TTC6: variants seen among roughly 807,000 people sequenced by gnomAD.
TTC6 encodes the protein tetratricopeptide repeat domain 6.
A neutral mutation model predicts 210.4 loss-of-function variants in TTC6; 172 were observed. That is an observed-to-expected ratio of 0.82 (90% CI 0.72 to 0.93). The LOEUF is 0.93. Among genes scored for constraint, TTC6 ranks in the 40% least tolerant of loss-of-function variants. The pLI is 0.00. For missense variants in TTC6, 2,414 were observed against 2,318.1 expected (o/e 1.04, Z -0.85); for synonymous variants, 804 against 819.6 (o/e 0.98, Z 0.32).
intron 24 of TTC6, among the ~76,000 whole-genome samples, chr14:37,810,036 A>G (rs1379261797): frequency 6.6e-6 from 1 of 152,224 alleles, no homozygotes; most frequent in Non-Finnish European, 1.5e-5. Context: ...TGTTTAAAAC[A>G]TTTAGTAATT....
intron 14 of TTC6, among the ~76,000 whole-genome samples, chr14:37,771,105 TTTC>T (rs1258655898): frequency 6.6e-6 from 1 of 151,330 alleles, no homozygotes; most frequent in Non-Finnish European, 1.5e-5. Context: ...TGAAAATTCT[TTTC>T]TTTAAGAATG....
At chr14:37,638,631 CG>C (rs1264498740) in intron 1 of TTC6, among the ~76,000 whole-genome samples, 8 of 22,326 alleles carry the variant, frequency 3.6e-4, no homozygotes, top group East Asian at 1.8e-3. Flanking sequence ...AGGGTGGGGG[CG>C]GGGGGGCTGG....
chr14:37,791,497 T>C (rs1203645814), intron 16 of TTC6, among the ~76,000 whole-genome samples: 1 of 152,124 alleles, frequency 6.6e-6, no homozygotes, highest in Non-Finnish European at 1.5e-5. Context: ...CAGCAGACTG[T>C]TTACTTAATC....
intron 7 of TTC6, among the ~76,000 whole-genome samples, chr14:37,726,100 CT>C (rs2138844165): frequency 6.7e-6 from 1 of 148,168 alleles, no homozygotes; most frequent in South Asian, 2.1e-4. Flanking sequence ...CTTTTTTTTT[CT>C]TGGTTACAAT....
intron 1 of TTC6, among the ~76,000 whole-genome samples, chr14:37,600,204 C>T (rs575588498): frequency 2.2e-4 from 33 of 152,308 alleles, no homozygotes; most frequent in African/African-American, 7.7e-4. Context: ...GTGCCACAGA[C>T]TTGGCAGGGT....
chr14:37,654,127 CA>C (rs1238316459), intron 1 of TTC6, among the ~76,000 whole-genome samples: 1 of 152,102 alleles, frequency 6.6e-6, no homozygotes, highest in Non-Finnish European at 1.5e-5. Context: ...ATGTAATCCC[CA>C]ATACTGAAGG....
intron 2 of TTC6, among the ~76,000 whole-genome samples, chr14:37,613,408 A>AT: frequency 6.6e-6 from 1 of 152,180 alleles, no homozygotes; most frequent in African/African-American, 2.4e-5. Flanking sequence ...TTTGTTAATG[A>AT]TTTTTGCATG....
chr14:37,721,474 A>G (rs1381990056), intron 6 of TTC6, among the ~76,000 whole-genome samples: 1 of 152,126 alleles, frequency 6.6e-6, no homozygotes, highest in Non-Finnish European at 1.5e-5. Flanking sequence ...TTTTTGTTCA[A>G]AAGCTCAGTT....
intron 14 of TTC6, among the ~76,000 whole-genome samples, chr14:37,786,981 A>G (rs1209218315): frequency 6.6e-6 from 1 of 152,158 alleles, no homozygotes; most frequent in Non-Finnish European, 1.5e-5. Context: ...AACTAATGCA[A>G]TAGCTTTCAT....
chr14:37,830,744 A>G (rs1852478111), intron 29 of TTC6, among the ~76,000 whole-genome samples: 1 of 65,848 alleles, frequency 1.5e-5, no homozygotes, highest in Non-Finnish European at 5.6e-5. Context: ...TTTTTTTCTA[A>G]AATAGATTTT....
At chr14:37,827,618 G>T (rs189975698) in intron 29 of TTC6, among the ~76,000 whole-genome samples, 3 of 151,448 alleles carry the variant, frequency 2.0e-5, no homozygotes, top group African/African-American at 2.4e-5. Flanking sequence ...TAAATGTCTT[G>T]CTAGAATCTT....
intron 10 of TTC6, among the ~76,000 whole-genome samples, chr14:37,747,451 G>A (rs2095939474): frequency 4.6e-5 from 7 of 152,184 alleles, no homozygotes. Context: ...CTACTCCTAA[G>A]TTTGAGAGAA....
chr14:37,779,522 A>G (rs1489980595), intron 14 of TTC6, among the ~76,000 whole-genome samples: 2 of 152,194 alleles, frequency 1.3e-5, no homozygotes, highest in Non-Finnish European at 2.9e-5. Context: ...TGACTACTAT[A>G]TTTCAGCATT....
At chr14:37,795,205 G>T in intron 17 of TTC6, 65 bp from the exon 20 acceptor site, 1 of 1,129,912 alleles carries the variant, frequency 8.9e-7, no homozygotes, top group Non-Finnish European at 1.3e-6. Context: ...GGTGGGAGAG[G>T]ATAAATATCA....
rs564783672 is a variant in TTC6 at position 37,666,715 on chromosome 14, A to G, written c.940-13436A>G. Among the ~76,000 whole-genome samples, 253 of 150,366 alleles carry G rather than the reference A, an allele frequency of 1.7e-3. 4 individuals are homozygous for G. Among genetic ancestry groups the G allele is most frequent in the African/African-American group, 5.1e-3 (212 of 41,400 alleles). The stretch of plus-strand genomic sequence containing the variant: ...ATTTACCCCCTTTTTGTAATTTATT[A>G]CACATATCCTTTGAGGGGATAGGTG... On this transcript the variant is annotated intron_variant, in intron 1 of 30. Transcript: ENST00000553443.
rs541496224 is a variant in TTC6 at position 37,650,618 on chromosome 14, T to C, written c.939+27615T>C. ...AACATCTCTTTTGCCTCTAAAGCCT[T>C]TTTTGCTTACATCCTGCTTCTTGTC... is the stretch of plus-strand genomic sequence containing the variant. On this transcript the variant is annotated intron_variant, in intron 1 of 30. Coordinates refer to ENST00000553443, the Ensembl canonical transcript of TTC6. Among the ~76,000 whole-genome samples, 16 of 152,312 alleles carry C rather than the reference T, an allele frequency of 1.1e-4. No individual in the cohort carries two copies. In the South Asian group the frequency reaches 1.9e-3, roughly 18 times the overall value.
At chr14:37,652,037 CAA>C (rs976872680) in intron 1 of TTC6, among the ~76,000 whole-genome samples, 1 of 151,994 alleles carries the variant, frequency 6.6e-6, no homozygotes, top group Non-Finnish European at 1.5e-5. Context: ...GACTGGTGGG[CAA>C]AAGAGTGAGA....
chr14:37,626,297 T>C (rs2095660178), intron 1 of TTC6, among the ~76,000 whole-genome samples: 3 of 152,206 alleles, frequency 2.0e-5, no homozygotes, highest in South Asian at 2.1e-4. Flanking sequence ...CAGATGTTAA[T>C]TGGAGGATGA....
At chr14:37,695,543 G>A (rs550882643) in intron 3 of TTC6, among the ~76,000 whole-genome samples, 10 of 152,106 alleles carry the variant, frequency 6.6e-5, no homozygotes, top group Non-Finnish European at 1.0e-4. Context: ...TAGTAGAGAT[G>A]GGTTTCTCCA....
Sources: allele counts gnomAD v4.1 joint callset (sites outside exome capture counted in the v4.1 genomes callset), GRCh38; gene constraint gnomAD v4.1.1; transcripts MANE v1.5; gene names NCBI Gene and HGNC (gene_info 2026-07-23, HGNC 2026-07-21).